The following SMOC2 variants were observed in gnomAD, a reference collection of about 807,000 sequenced individuals.
SMOC2 encodes the protein SPARC-related modular calcium-binding protein 2.
A neutral mutation model predicts 61.4 loss-of-function variants in SMOC2; 39 were observed. That is an observed-to-expected ratio of 0.64 (90% CI 0.49 to 0.83). The LOEUF is 0.83. Among genes scored for constraint, SMOC2 ranks in the 40% least tolerant of loss-of-function variants. The pLI is 0.00. For synonymous variants in SMOC2, 247 were observed against 239.9 expected, an observed-to-expected ratio of 1.03 and a Z score of -0.27; for missense variants, 556 against 592.9, an observed-to-expected ratio of 0.94 and a Z score of 0.65.
chr6:168,558,370 A>T (rs1029111926), intron 7 of SMOC2, among the ~76,000 whole-genome samples: 3 of 151,794 alleles, frequency 2.0e-5, no homozygotes, highest in African/African-American at 7.3e-5. Context: ...GTGGCTGGAG[A>T]GATATTAGGT....
At chr6:168,476,190 T>C (rs1020015574) in intron 1 of SMOC2, among the ~76,000 whole-genome samples, 1 of 152,110 alleles carries the variant, frequency 6.6e-6, no homozygotes, top group Non-Finnish European at 1.5e-5. Context: ...GGCTGCACTT[T>C]AGATTTGGGA....
chr6:168,492,836 A>G (rs1448871415), intron 1 of SMOC2, among the ~76,000 whole-genome samples: 2 of 152,216 alleles, frequency 1.3e-5, no homozygotes, highest in Non-Finnish European at 2.9e-5. Context: ...TAATATTGCC[A>G]TCTATAGAGT....
chr6:168,546,325 G>GGGCCCTGAGTGT (rs1210875881), intron 5 of SMOC2, among the ~76,000 whole-genome samples: 2 of 150,476 alleles, frequency 1.3e-5, no homozygotes, highest in African/African-American at 4.9e-5. Flanking sequence ...CTCCTGGGTG[G>GGGCCCTGAGTGT]GGCCCTGAGT....
intron 6 of SMOC2, among the ~76,000 whole-genome samples, chr6:168,547,654 T>G (rs1229194573): frequency 2.0e-5 from 3 of 151,976 alleles, no homozygotes; most frequent in African/African-American, 7.3e-5. Context: ...TGTGAGATGC[T>G]GGGGATGTGA....
intron 7 of SMOC2, among the ~76,000 whole-genome samples, chr6:168,595,322 C>T (rs1242118925): frequency 6.6e-6 from 1 of 152,236 alleles, no homozygotes; most frequent in Non-Finnish European, 1.5e-5. Context: ...CATGCGCCTC[C>T]CCAAGACGGA....
Position 168,475,741 on chromosome 6 carries a change from A to G in SMOC2, c.85-34174A>G, listed in dbSNP as rs904511123. On this transcript the variant is annotated intron_variant, in intron 1 of 12. Coordinates refer to ENST00000356284, the MANE Select transcript of SMOC2 (RefSeq NM_001166412.2). This position sits in a 1 kb window ranked among gnomAD's most constrained non-coding sequence, Gnocchi z 4.6. ...GGACACTGCTCGGCGTTAGAAGAAG[A>G]AGTAGTGAAGGGCAGTATTGGTGGA... is the stretch of plus-strand genomic sequence containing the variant. 6.6e-6 allele frequency among the ~76,000 whole-genome samples: 1 copy of G among 152,068 alleles called. No homozygotes were observed. Among genetic ancestry groups the G allele is most frequent in the Non-Finnish European group, 1.5e-5 (1 of 68,004 alleles).
chr6:168,509,055 G>A (rs1179177691), intron 1 of SMOC2, among the ~76,000 whole-genome samples: 1 of 152,140 alleles, frequency 6.6e-6, no homozygotes, highest in African/African-American at 2.4e-5. Flanking sequence ...GACGGGACTA[G>A]TTGGCCGGTC....
At chr6:168,518,438 A>AT (rs1783205360) in intron 2 of SMOC2, among the ~76,000 whole-genome samples, 1 of 127,680 alleles carries the variant, frequency 7.8e-6, no homozygotes, top group East Asian at 2.7e-4. Context: ...TGCATGTGTG[A>AT]CTGTGAATGT....
At chr6:168,638,207 A>C (rs1467957021) in intron 9 of SMOC2, among the ~76,000 whole-genome samples, 1 of 151,290 alleles carries the variant, frequency 6.6e-6, no homozygotes, top group Non-Finnish European at 1.5e-5. Context: ...GTCCCCAGAT[A>C]AATAATGCTC....
At chr6:168,649,716 CT>C (rs1255676429) in intron 9 of SMOC2, among the ~76,000 whole-genome samples, 2 of 152,162 alleles carry the variant, frequency 1.3e-5, no homozygotes, top group African/African-American at 4.8e-5. Flanking sequence ...GGTGGGGCTC[CT>C]ACCTCTTGCA....
intron 9 of SMOC2, among the ~76,000 whole-genome samples, chr6:168,611,238 TGGCCCTGCTCTGGTTCCC>T (rs1785853704): frequency 7.2e-6 from 1 of 139,684 alleles, no homozygotes; most frequent in African/African-American, 2.7e-5. Context: ...CTCCCATGTC[TGGCCCTGCTCTGGTTCCC>T]ATGTCCGGGA....
intron 7 of SMOC2, among the ~76,000 whole-genome samples, chr6:168,565,803 GA>G (rs1784527947): frequency 6.6e-6 from 1 of 152,260 alleles, no homozygotes; most frequent in African/African-American, 2.4e-5. Context: ...TCTTCCCAGT[GA>G]AAAACGGCTT....
At chr6:168,464,583 A>G (rs1249095388) in intron 1 of SMOC2, among the ~76,000 whole-genome samples, 1 of 150,676 alleles carries the variant, frequency 6.6e-6, no homozygotes, top group Non-Finnish European at 1.5e-5. Flanking sequence ...TTTTTAACAT[A>G]CTTTCTGCAT....
intron 9 of SMOC2, among the ~76,000 whole-genome samples, chr6:168,634,491 T>C (rs1422355540): frequency 6.6e-6 from 1 of 152,240 alleles, no homozygotes; most frequent in South Asian, 2.1e-4. Context: ...TACCACTTCA[T>C]GCCCAATTCG....
At chr6:168,659,512 A>C (rs1787421393) in intron 11 of SMOC2, among the ~76,000 whole-genome samples, 5 of 151,626 alleles carry the variant, frequency 3.3e-5, no homozygotes, top group East Asian at 1.9e-4. Flanking sequence ...GTGAGGGTGG[A>C]GGTTGTAGGT....
At chr6:168,468,016 G>A (rs1781883415) in intron 1 of SMOC2, among the ~76,000 whole-genome samples, 1 of 152,256 alleles carries the variant, frequency 6.6e-6, no homozygotes, top group South Asian at 2.1e-4. Flanking sequence ...AGTACCAAGT[G>A]TTGTTTTGTT....
rs1002394053 is a variant in SMOC2, at chr6:168,553,325, A to G, written c.637+4122A>G. ...TTGTGTTACTTCTTTTACTGTCTCAAATCATCTTTGTTTTATTACTCTTTT... is the reference window on the plus strand; with the variant it reads ...TTGTGTTACTTCTTTTACTGTCTCAGATCATCTTTGTTTTATTACTCTTTT... On this transcript the variant is annotated intron_variant, in intron 7 of 12. Coordinates refer to ENST00000356284, the MANE Select transcript of SMOC2 (RefSeq NM_001166412.2). The surrounding 1 kb of genome is among the most constrained non-coding windows in gnomAD (Gnocchi z 4.2). 6.6e-6 allele frequency among the ~76,000 whole-genome samples: 1 copy of G among 152,192 alleles called. No individual in the cohort carries two copies. Among genetic ancestry groups the G allele is most frequent in the Non-Finnish European group, 1.5e-5 (1 of 68,026 alleles).
chr6:168,604,769 G>A lies in SMOC2; in HGVS notation c.825-3388G>A, dbSNP rs137954814. The stretch of plus-strand genomic sequence containing the variant: ...TCACCATGCATGAGAATTAAAAGGC[G>A]TTAGTTTTGTGGCAGACTCATCCCA... On this transcript the variant is annotated intron_variant, in intron 8 of 12. Transcript: ENST00000356284. Among the ~76,000 whole-genome samples, 793 of 152,288 alleles carry A rather than the reference G, an allele frequency of 5.2e-3. 6 individuals carry two copies. Among genetic ancestry groups the A allele is most frequent in the African/African-American group, 0.018 (749 of 41,560 alleles).
intron 3 of SMOC2, among the ~76,000 whole-genome samples, chr6:168,526,698 C>G (rs1783462599): frequency 1.3e-5 from 2 of 152,186 alleles, no homozygotes; most frequent in African/African-American, 4.8e-5. Flanking sequence ...TTGCTGCTGT[C>G]ATTCACACTT....
Sources: allele counts gnomAD v4.1 joint callset (sites outside exome capture counted in the v4.1 genomes callset), GRCh38; gene constraint gnomAD v4.1.1; non-coding constraint Gnocchi (gnomAD v3.1); transcripts MANE v1.5; gene names NCBI Gene and HGNC (gene_info 2026-07-23, HGNC 2026-07-21).